BANK1: variants seen among roughly 807,000 people sequenced by gnomAD.
BANK1 encodes B cell scaffold protein with ankyrin repeats 1, also known as B-cell scaffold protein with ankyrin repeats.
A neutral mutation model predicts 94.5 loss-of-function variants in BANK1; 95 were observed. The observed-to-expected ratio is 1.00, with a 90% CI of 0.85 to 1.19. BANK1 has a LOEUF of 1.19. Among genes scored for constraint, BANK1 ranks in the 50% most tolerant of loss-of-function variants. The probability of loss-of-function intolerance (pLI) is 0.00; values close to 1 mark genes in which losing one functional copy is unlikely to be tolerated. For missense variants in BANK1, 987 were observed against 932.2 expected (o/e 1.06, Z -0.77); for synonymous variants, 334 against 308.4 (o/e 1.08, Z -0.87).
Position 101,973,891 on chromosome 4 carries a change from T to C in BANK1, c.1207-47623T>C, listed in dbSNP as rs73834523. On this transcript the variant is annotated intron_variant, in intron 7 of 16. Coordinates refer to ENST00000322953, the MANE Select transcript of BANK1 (RefSeq NM_017935.5). The stretch of plus-strand genomic sequence containing the variant: ...GAGTGAGAGGGCTCATTGACTTCCC[T>C]AATCCTAACTAGCTACTGAATTTCA... Among the ~76,000 whole-genome samples the C allele has an allele frequency of 4.0e-3, 602 of 152,222 alleles. 2 individuals carry two copies. Among genetic ancestry groups the C allele is most frequent in the African/African-American group, 0.013 (543 of 41,584 alleles).
chr4:101,998,132 G>C (rs1725942976), intron 7 of BANK1, among the ~76,000 whole-genome samples: 1 of 151,946 alleles, frequency 6.6e-6, no homozygotes, highest in South Asian at 2.1e-4. Flanking sequence ...GTTCCCATTG[G>C]TTTCAAATAA....
At position 102,063,157 on chromosome 4, in the gene BANK1, C is replaced by G; in HGVS notation, c.2212+19C>G. On this transcript the variant is annotated intron_variant, in intron 13 of 16. Transcript: ENST00000322953. ...GTCTATAGTAAGTAAGATTCGCCTG[C>G]TATTCAAAAATAATAGAGTGATTAC... 1 of 1,597,076 alleles carries G rather than the reference C, an allele frequency of 6.3e-7. No individual in the cohort carries two copies. The highest frequency in any genetic ancestry group is 8.6e-7 in the Non-Finnish European group (1 of 1,165,012).
chr4:102,067,724 T>C (rs889827145), intron 13 of BANK1, among the ~76,000 whole-genome samples: 1 of 152,026 alleles, frequency 6.6e-6, no homozygotes, highest in African/African-American at 2.4e-5. Flanking sequence ...TTCACTTCTT[T>C]CTTAGTAATT....
At chr4:102,071,430 T>C (rs1728757592) in intron 14 of BANK1, 126 bp downstream of exon 14, 1 of 949,534 alleles carries the variant, frequency 1.1e-6, no homozygotes, top group East Asian at 2.4e-5. Context: ...AGATTTTATA[T>C]TTATATGCAA....
At chr4:101,842,767 A>T (rs924803022) in intron 2 of BANK1, among the ~76,000 whole-genome samples, 4 of 152,188 alleles carry the variant, frequency 2.6e-5, no homozygotes, top group African/African-American at 9.7e-5. Flanking sequence ...TGGACAGCTG[A>T]GCTAATGCTG....
chr4:101,876,155 C>A (rs1045814723), intron 5 of BANK1, among the ~76,000 whole-genome samples: 4 of 152,216 alleles, frequency 2.6e-5, no homozygotes, highest in Admixed American at 2.0e-4. Flanking sequence ...CACCTGCTAA[C>A]TGAAGAGCCC....
At chr4:101,993,346 A>G (rs942603513) in intron 7 of BANK1, among the ~76,000 whole-genome samples, 1 of 152,140 alleles carries the variant, frequency 6.6e-6, no homozygotes, top group Admixed American at 6.6e-5. Flanking sequence ...TTGGCAATTT[A>G]CTTTCTTCTC....
intron 2 of BANK1, among the ~76,000 whole-genome samples, chr4:101,838,680 T>C (rs913019833): frequency 6.6e-6 from 1 of 152,228 alleles, no homozygotes; most frequent in Admixed American, 6.5e-5. Flanking sequence ...TCCTGAAGTC[T>C]ACCTGTAATC....
chr4:101,974,905 C>G (rs1357608628), intron 7 of BANK1, among the ~76,000 whole-genome samples: 1 of 152,018 alleles, frequency 6.6e-6, no homozygotes, highest in East Asian at 1.9e-4. Context: ...TGCAGTGAGC[C>G]AAGATCATGC....
intron 1 of BANK1, among the ~76,000 whole-genome samples, chr4:101,800,814 A>G (rs1295495608): frequency 6.6e-6 from 1 of 152,128 alleles, no homozygotes; most frequent in Non-Finnish European, 1.5e-5. Context: ...CTGGAGTGCA[A>G]TGGTACAATC....
chr4:102,073,741 T>A lies in BANK1; in HGVS notation c.2356T>A (p.Ter786LysextTer5), dbSNP rs1560721826. 6.2e-7 allele frequency: 1 copy of A among 1,608,908 alleles called. No homozygotes were observed. Among genetic ancestry groups the A allele is most frequent in the Middle Eastern group, 1.7e-4 (1 of 6,040 alleles). Residue 786 changes from the stop codon to lysine, a stop_lost, in exon 16 of 17, where the codon TAA (stop) becomes AAA (lysine). Coordinates refer to ENST00000322953, the MANE Select transcript of BANK1 (RefSeq NM_017935.5). ...TGGTTTCTGTTGCAAGAAAGATCAT[T>A]AAAGAAGGTAAAATATTAGCTGTGT... is the stretch of plus-strand genomic sequence containing the variant. ...EFGFCCKKDH[*>K]
intron 13 of BANK1, among the ~76,000 whole-genome samples, chr4:102,067,226 A>G (rs1186694361): frequency 1.3e-5 from 2 of 152,180 alleles, no homozygotes; most frequent in Non-Finnish European, 2.9e-5. Context: ...AAAATAAAGC[A>G]GGAAAGTAGA....
intron 7 of BANK1, among the ~76,000 whole-genome samples, chr4:101,989,942 T>C (rs1439036399): frequency 6.6e-6 from 1 of 152,196 alleles, no homozygotes; most frequent in Non-Finnish European, 1.5e-5. Flanking sequence ...TTTAAATGGT[T>C]TCACATGCCT....
chr4:101,817,993 C>T (rs556073488), intron 1 of BANK1, among the ~76,000 whole-genome samples: 26 of 152,178 alleles, frequency 1.7e-4, no homozygotes, highest in Admixed American at 3.3e-4. Context: ...ATTTCAGGTT[C>T]CTGAACTTCA....
intron 1 of BANK1, among the ~76,000 whole-genome samples, chr4:101,811,965 A>G (rs1433183711): frequency 6.6e-6 from 1 of 151,996 alleles, no homozygotes. Context: ...AGTCTGAAAA[A>G]TTGTTCTTTA....
chr4:101,881,536 A>G (rs927369443), intron 5 of BANK1, among the ~76,000 whole-genome samples: 5 of 152,186 alleles, frequency 3.3e-5, no homozygotes, highest in African/African-American at 1.2e-4. Context: ...AAGTCAAGCC[A>G]CCATGTGATC....
At chr4:101,945,103 G>A (rs968445280) in intron 7 of BANK1, among the ~76,000 whole-genome samples, 30 of 151,928 alleles carry the variant, frequency 2.0e-4, no homozygotes, top group African/African-American at 5.6e-4. Context: ...TTGAGTTTGG[G>A]TGCTGTTGAT....
intron 7 of BANK1, among the ~76,000 whole-genome samples, chr4:101,999,162 T>A (rs545493767): frequency 6.6e-6 from 1 of 152,316 alleles, no homozygotes; most frequent in South Asian, 2.1e-4. Flanking sequence ...GTGGTTTGTA[T>A]CTTTACTTGT....
At chr4:101,884,859 C>T (rs530168796) in intron 5 of BANK1, among the ~76,000 whole-genome samples, 1 of 152,280 alleles carries the variant, frequency 6.6e-6, no homozygotes, top group African/African-American at 2.4e-5. Flanking sequence ...TTGCACACCT[C>T]CTACTATCTC....
Sources: allele counts gnomAD v4.1 joint callset (sites outside exome capture counted in the v4.1 genomes callset), GRCh38; gene constraint gnomAD v4.1.1; transcripts MANE v1.5; gene names NCBI Gene and HGNC (gene_info 2026-07-23, HGNC 2026-07-21).